CPA6: variants seen among roughly 807,000 people sequenced by gnomAD.
The protein encoded by CPA6 is carboxypeptidase B.
In CPA6, 58 loss-of-function variants were observed where a neutral mutation model predicts 63.3. The ratio of observed to expected loss-of-function variants is 0.92; its 90% CI spans 0.74 to 1.14. CPA6 has a LOEUF of 1.14. CPA6 is among the 50% of genes most tolerant of loss of function. The probability of loss-of-function intolerance (pLI) is 0.00; values close to 1 mark genes in which losing one functional copy is unlikely to be tolerated. For missense variants in CPA6, 565 were observed against 526.6 expected (o/e 1.07, Z -0.71); for synonymous variants, 185 against 179.0 (o/e 1.03, Z -0.27).
chr8:67,585,327 T>C (rs1813897553), intron 2 of CPA6, among the ~76,000 whole-genome samples: 1 of 152,112 alleles, frequency 6.6e-6, no homozygotes. Flanking sequence ...TTGCAGGTGT[T>C]GGTTAAGGTA....
intron 1 of CPA6, among the ~76,000 whole-genome samples, chr8:67,712,942 C>A (rs1817293395): frequency 6.6e-6 from 1 of 151,088 alleles, no homozygotes; most frequent in Non-Finnish European, 1.5e-5. Flanking sequence ...TTCCAGGAAC[C>A]CTTATTTCAC....
intron 1 of CPA6, among the ~76,000 whole-genome samples, chr8:67,729,703 A>C (rs746102367): frequency 6.6e-6 from 1 of 152,260 alleles, no homozygotes; most frequent in East Asian, 1.9e-4. Flanking sequence ...AAAGACGGGT[A>C]TGCAAGGCTT....
chr8:67,439,479 C>A (rs1312105904), intron 8 of CPA6, among the ~76,000 whole-genome samples: 2 of 151,642 alleles, frequency 1.3e-5, no homozygotes, highest in Non-Finnish European at 2.9e-5. Context: ...ATCCCAGCTA[C>A]TTGGGAGGCT....
At chr8:67,602,533 CA>C (rs1205359619) in intron 2 of CPA6, among the ~76,000 whole-genome samples, 1 of 152,164 alleles carries the variant, frequency 6.6e-6, no homozygotes, top group Non-Finnish European at 1.5e-5. Flanking sequence ...GAGAATGAAG[CA>C]CCCTAAATGT....
intron 2 of CPA6, among the ~76,000 whole-genome samples, chr8:67,602,322 G>C (rs1814516723): frequency 6.6e-6 from 1 of 152,128 alleles, no homozygotes; most frequent in African/African-American, 2.4e-5. Context: ...GCTTGCCTCT[G>C]CAAAAGGAAT....
intron 8 of CPA6, among the ~76,000 whole-genome samples, chr8:67,459,851 T>C (rs960992260): frequency 6.6e-6 from 1 of 152,202 alleles, no homozygotes; most frequent in African/African-American, 2.4e-5. Flanking sequence ...GATGTGTTAG[T>C]ATAGGTTTTT....
chr8:67,478,210 G>A (rs541831855), intron 8 of CPA6, among the ~76,000 whole-genome samples: 7 of 152,298 alleles, frequency 4.6e-5, no homozygotes, highest in South Asian at 2.1e-4. Flanking sequence ...CGAGAGCTCC[G>A]GATAGCTGGA....
At chr8:67,657,620 C>A (rs557301114) in intron 1 of CPA6, among the ~76,000 whole-genome samples, 5 of 152,174 alleles carry the variant, frequency 3.3e-5, no homozygotes, top group African/African-American at 7.2e-5. Context: ...TCCTGATAGG[C>A]CTTCAGCAAA....
chr8:67,544,798 A>G (rs1331129752), intron 2 of CPA6, among the ~76,000 whole-genome samples: 3 of 152,036 alleles, frequency 2.0e-5, no homozygotes, highest in Non-Finnish European at 2.9e-5. Context: ...CCCAACTTCC[A>G]CCAGGATGCA....
At chr8:67,617,890 C>T (rs1449952371) in intron 2 of CPA6, among the ~76,000 whole-genome samples, 3 of 152,144 alleles carry the variant, frequency 2.0e-5, no homozygotes, top group African/African-American at 7.2e-5. Flanking sequence ...AGAGGCCACC[C>T]ACAATTTCTT....
chr8:67,691,818 C>G (rs1226472977), intron 1 of CPA6, among the ~76,000 whole-genome samples: 2 of 152,128 alleles, frequency 1.3e-5, no homozygotes, highest in African/African-American at 4.8e-5. Flanking sequence ...TATATTAGTA[C>G]AGGCTCATTT....
chr8:67,475,851 CTTT>C (rs1811192626), intron 8 of CPA6, among the ~76,000 whole-genome samples: 3 of 72,836 alleles, frequency 4.1e-5, no homozygotes, highest in African/African-American at 6.0e-5. Context: ...TTCTTTCTTT[CTTT>C]CTTTCTTTCT....
chr8:67,496,818 C>T lies in CPA6; in HGVS notation c.636+9969G>A, dbSNP rs1436427701. 2.6e-5 allele frequency among the ~76,000 whole-genome samples: 4 copies of T among 151,964 alleles called. No homozygotes were observed. The South Asian group carries it at 6.2e-4, about 24-fold the overall frequency. On this transcript the variant is annotated intron_variant, in intron 6 of 10. Coordinates refer to ENST00000297770, the MANE Select transcript of CPA6 (RefSeq NM_020361.5). The stretch of plus-strand genomic sequence containing the variant: ...TCATGATCTGCCCACCTTGGCCTCC[C>T]AAAGTGCTGGGATTACAGGCGTGAG...
At chr8:67,520,455 G>T (rs1289640840) in intron 2 of CPA6, among the ~76,000 whole-genome samples, 3 of 152,154 alleles carry the variant, frequency 2.0e-5, no homozygotes, top group Non-Finnish European at 4.4e-5. Context: ...ATTCTATTTT[G>T]TTGTGATATT....
At chr8:67,697,031 A>G (rs931288673) in intron 1 of CPA6, among the ~76,000 whole-genome samples, 1 of 152,234 alleles carries the variant, frequency 6.6e-6, no homozygotes, top group Non-Finnish European at 1.5e-5. Flanking sequence ...ACACCATTCT[A>G]TAAGGTGGAC....
At chr8:67,552,490 A>T (rs1194183306) in intron 2 of CPA6, among the ~76,000 whole-genome samples, 3 of 152,126 alleles carry the variant, frequency 2.0e-5, no homozygotes, top group Non-Finnish European at 4.4e-5. Context: ...ATAAAAAATG[A>T]TGGCCGGGCA....
At chr8:67,463,476 AG>A (rs1159586579) in intron 8 of CPA6, among the ~76,000 whole-genome samples, 11 of 116,974 alleles carry the variant, frequency 9.4e-5, no homozygotes, top group African/African-American at 4.7e-4. Context: ...ATAAATAAAT[AG>A]ATAAATAAAA....
intron 10 of CPA6, among the ~76,000 whole-genome samples, chr8:67,423,101 T>C (rs376381291): frequency 1.3e-5 from 2 of 152,228 alleles, no homozygotes; most frequent in South Asian, 4.1e-4. Flanking sequence ...CTTTTTTTTT[T>C]TGAGACGGAG....
chr8:67,468,849 C>G (rs1337279330), intron 8 of CPA6, among the ~76,000 whole-genome samples: 8 of 152,136 alleles, frequency 5.3e-5, no homozygotes, highest in Non-Finnish European at 8.8e-5. Flanking sequence ...CAGAGCCATA[C>G]AGGGCCTCTT....
Sources: allele counts gnomAD v4.1 joint callset (sites outside exome capture counted in the v4.1 genomes callset), GRCh38; gene constraint gnomAD v4.1.1; transcripts MANE v1.5; gene names NCBI Gene and HGNC (gene_info 2026-07-23, HGNC 2026-07-21).